The following LRRTM3 variants were observed in gnomAD, a reference collection of about 807,000 sequenced individuals.
LRRTM3 encodes leucine-rich repeat transmembrane neuronal protein 3.
LRRTM3 carries 24 observed loss-of-function variants against 44.7 expected under a neutral mutation model. The observed-to-expected ratio is 0.54, with a 90% CI of 0.39 to 0.76. The LOEUF (loss-of-function observed/expected upper bound fraction) is 0.76, where lower values mean the gene tolerates loss of function less well. Among genes scored for constraint, LRRTM3 ranks in the 30% least tolerant of loss-of-function variants. The probability of loss-of-function intolerance (pLI) is 0.00; values close to 1 mark genes in which losing one functional copy is unlikely to be tolerated. For missense variants in LRRTM3, 587 were observed against 702.2 expected (o/e 0.84, Z 1.85); for synonymous variants, 277 against 278.7 (o/e 0.99, Z 0.06).
chr10:66,928,621 G>C (rs978066074), intron 2 of LRRTM3, among the ~76,000 whole-genome samples, 169 bp downstream of exon 2: 1 of 151,914 alleles, frequency 6.6e-6, no homozygotes, highest in African/African-American at 2.4e-5. Flanking sequence ...CATAATACTG[G>C]TCATTTTCCT....
At chr10:67,062,638 T>G (rs542317490) in intron 2 of LRRTM3, among the ~76,000 whole-genome samples, 1 of 152,230 alleles carries the variant, frequency 6.6e-6, no homozygotes, top group Admixed American at 6.5e-5. Context: ...CTAACATTCT[T>G]CTTTGCAAAT....
At chr10:66,936,254 C>T (rs775450368) in intron 2 of LRRTM3, among the ~76,000 whole-genome samples, 4 of 151,684 alleles carry the variant, frequency 2.6e-5, no homozygotes, top group African/African-American at 7.3e-5. Flanking sequence ...TAGATATAGA[C>T]GAAAAGAGAA....
intron 2 of LRRTM3, among the ~76,000 whole-genome samples, chr10:66,959,633 T>A (rs911279706): frequency 6.6e-6 from 1 of 152,192 alleles, no homozygotes; most frequent in Non-Finnish European, 1.5e-5. Context: ...AGGTCTAACA[T>A]TCCACAACCT....
chr10:67,074,570 T>A (rs1187917714), intron 2 of LRRTM3, among the ~76,000 whole-genome samples: 1 of 151,952 alleles, frequency 6.6e-6, no homozygotes, highest in Non-Finnish European at 1.5e-5. Flanking sequence ...CAGGATGGTC[T>A]CGATCTCCTG....
intron 2 of LRRTM3, among the ~76,000 whole-genome samples, chr10:67,009,706 G>C (rs530845299): frequency 2.6e-5 from 4 of 152,104 alleles, no homozygotes; most frequent in African/African-American, 9.6e-5. Context: ...TGTAGATTGA[G>C]AGAAAAAACA....
intron 2 of LRRTM3, among the ~76,000 whole-genome samples, chr10:66,996,656 A>AAAAAAAAAAAAAAAAC (rs1851368463): frequency 6.7e-6 from 1 of 150,186 alleles, no homozygotes; most frequent in Admixed American, 6.7e-5. Flanking sequence ...CTACAAAAAA[A>AAAAAAAAAAAAAAAAC]AAAAAAAAAA....
chr10:66,978,552 A>AAATAAAAAAAAAAAAAAATATATATATAT, intron 2 of LRRTM3, among the ~76,000 whole-genome samples: 5 of 37,866 alleles, frequency 1.3e-4, no homozygotes, highest in Admixed American at 4.9e-4. Flanking sequence ...AAAAAAAAAA[A>AAATAAAAAAAAAAAAAAATATATATATAT]ATATATATAT....
At chr10:67,082,021 T>G (rs1437712439) in intron 2 of LRRTM3, among the ~76,000 whole-genome samples, 1 of 152,204 alleles carries the variant, frequency 6.6e-6, no homozygotes, top group African/African-American at 2.4e-5. Context: ...GTTCACAAAA[T>G]AGGAGTACCT....
chr10:67,015,710 CT>C (rs1564833188), intron 2 of LRRTM3, among the ~76,000 whole-genome samples: 11 of 151,970 alleles, frequency 7.2e-5, no homozygotes, highest in Non-Finnish European at 1.5e-4. Context: ...TAACAATTTT[CT>C]TCTTTTTATT....
chr10:66,992,132 C>G (rs1433023306), intron 2 of LRRTM3, among the ~76,000 whole-genome samples: 1 of 152,170 alleles, frequency 6.6e-6, no homozygotes, highest in Non-Finnish European at 1.5e-5. Context: ...AATTTACATT[C>G]CAGCCAGCAG....
intron 2 of LRRTM3, among the ~76,000 whole-genome samples, chr10:67,003,003 C>T (rs191108380): frequency 1.3e-3 from 201 of 152,242 alleles, no homozygotes; most frequent in African/African-American, 4.7e-3. Context: ...TGCAGTATTG[C>T]TTTCACGGTA....
rs745930710 is a variant in LRRTM3 at position 66,927,255 on chromosome 10, G to A, written c.339G>A (p.Glu113=). Residue 113 remains glutamate, a synonymous_variant, in exon 2 of 3, where the codon GAG becomes GAA. Transcript: ENST00000361320. This position sits in a 1 kb window ranked among gnomAD's most constrained non-coding sequence, Gnocchi z 4.7. ...NAFNGIRRLK[E]LILSSNRISY... Reference sequence around the variant, plus strand: ...TTAATGGAATACGCAGACTCAAAGAGCTGATTCTTAGTTCCAATAGAATCT... The same window carrying A: ...TTAATGGAATACGCAGACTCAAAGAACTGATTCTTAGTTCCAATAGAATCT... 6.2e-7 allele frequency: 1 copy of A among 1,614,018 alleles called. No individual in the cohort carries two copies. The highest frequency in any genetic ancestry group is 8.5e-7 in the Non-Finnish European group (1 of 1,180,020).
intron 2 of LRRTM3, among the ~76,000 whole-genome samples, chr10:66,932,356 T>C (rs1847451510): frequency 6.6e-6 from 1 of 152,172 alleles, no homozygotes. Flanking sequence ...TGGATTAGAC[T>C]GCATCAGAAA....
rs964656931 is a variant in LRRTM3, at chr10:66,973,985, C to T, written c.1536+45533C>T. Reference sequence around the variant, plus strand: ...CATAAAACAAAATGCATAAAGTATACGGTTTAATAGGTTTTACCAACTGTA... The same window carrying T: ...CATAAAACAAAATGCATAAAGTATATGGTTTAATAGGTTTTACCAACTGTA... On this transcript the variant is annotated intron_variant, in intron 2 of 2. Coordinates refer to ENST00000361320, the MANE Select transcript of LRRTM3 (RefSeq NM_178011.5). Among the ~76,000 whole-genome samples, 8 of 152,224 alleles carry T rather than the reference C, an allele frequency of 5.3e-5. No homozygotes were observed. In the East Asian group the frequency reaches 7.7e-4, roughly 15 times the overall value.
intron 2 of LRRTM3, among the ~76,000 whole-genome samples, chr10:66,955,317 T>A (rs949036307): frequency 3.3e-5 from 5 of 152,168 alleles, no homozygotes; most frequent in Admixed American, 1.3e-4. Context: ...TGACTCTGAA[T>A]AATATCTATC....
At chr10:66,978,552 A>AAATAAAAAAATAAAAATATATATATATAT in intron 2 of LRRTM3, among the ~76,000 whole-genome samples, 1 of 37,866 alleles carries the variant, frequency 2.6e-5, no homozygotes, top group Non-Finnish European at 4.8e-5. Flanking sequence ...AAAAAAAAAA[A>AAATAAAAAAATAAAAATATATATATATAT]ATATATATAT....
chr10:67,004,340 A>C (rs1191302880), intron 2 of LRRTM3, among the ~76,000 whole-genome samples: 1 of 152,226 alleles, frequency 6.6e-6, no homozygotes, highest in Non-Finnish European at 1.5e-5. Context: ...ATCAATATTC[A>C]TGTGAATCAA....
In LRRTM3 at chr10:66,937,127, C is replaced by T. The variant is rs149025272; in HGVS notation, c.1536+8675C>T. Among the ~76,000 whole-genome samples the T allele has an allele frequency of 2.6e-3, 397 of 151,944 alleles. 4 individuals are homozygous for T. Among genetic ancestry groups the T allele is most frequent in the African/African-American group, 9.4e-3 (390 of 41,456 alleles). ...TGAATCGCCATTATACAAAGTCTTT[C>T]TCCTTAAATTTTTTTCATGGAGAGA... On this transcript the variant is annotated intron_variant, in intron 2 of 2. Transcript: ENST00000361320.
chr10:67,043,898 G>T (rs777778678), intron 2 of LRRTM3, among the ~76,000 whole-genome samples: 1 of 147,846 alleles, frequency 6.8e-6, no homozygotes, highest in African/African-American at 2.5e-5. Context: ...CTGACAATTG[G>T]AGAATTTTAA....
Sources: gnomAD v4.1 joint callset for allele counts (sites outside exome capture counted in the v4.1 genomes callset) on GRCh38, gnomAD v4.1.1 for gene constraint, Gnocchi (gnomAD v3.1) non-coding constraint, MANE v1.5 for transcripts, NCBI Gene and HGNC (gene_info 2026-07-23, HGNC 2026-07-21) for gene names.